Variants in ANKRD29 observed in about 807,000 individuals in gnomAD.
The protein encoded by ANKRD29 is ankyrin repeat domain 29, also known as ankyrin repeat domain-containing protein 29.
Under a neutral mutation model 38.0 loss-of-function variants are expected in ANKRD29, and 32 were observed. The observed-to-expected ratio is 0.84, with a 90% CI of 0.64 to 1.13. ANKRD29 has a LOEUF of 1.13. ANKRD29 is among the 50% of genes most tolerant of loss of function. The probability of loss-of-function intolerance (pLI) is 0.00; values close to 1 mark genes in which losing one functional copy is unlikely to be tolerated. For missense variants in ANKRD29, 357 were observed against 377.9 expected (o/e 0.94, Z 0.46); for synonymous variants, 135 against 152.4 (o/e 0.89, Z 0.84).
intron 8 of ANKRD29, among the ~76,000 whole-genome samples, chr18:23,616,036 A>C (rs2059710761): frequency 6.7e-6 from 1 of 149,800 alleles, no homozygotes; most frequent in African/African-American, 2.4e-5. Flanking sequence ...CACATACCGT[A>C]TGTATGTATG....
chr18:23,612,028 C>G, intron 9 of ANKRD29, 64 bp downstream of exon 9: 37 of 1,438,760 alleles, frequency 2.6e-5, no homozygotes, highest in Non-Finnish European at 3.6e-5. Context: ...AGATGTTTAT[C>G]CTTCCTGGCC....
chr18:23,623,149 A>G (rs1036548019), intron 6 of ANKRD29, among the ~76,000 whole-genome samples: 4 of 152,204 alleles, frequency 2.6e-5, no homozygotes, highest in African/African-American at 9.7e-5. Flanking sequence ...GAGAAACAAT[A>G]CGCCCCTTAA....
chr18:23,654,948 C>A (rs996687618), intron 1 of ANKRD29, among the ~76,000 whole-genome samples: 5 of 152,064 alleles, frequency 3.3e-5, no homozygotes, highest in Admixed American at 3.3e-4. Flanking sequence ...GGACTTCAAT[C>A]GTACACTTAT....
At chr18:23,602,396 G>T (rs1057503178) in intron 9 of ANKRD29, among the ~76,000 whole-genome samples, 1 of 152,096 alleles carries the variant, frequency 6.6e-6, no homozygotes, top group Non-Finnish European at 1.5e-5. Flanking sequence ...AGACACCCGG[G>T]AAAGAAGAGC....
rs56005663 is a variant in ANKRD29, at chr18:23,624,466, C to CAA, written c.529-4839_529-4838dup. On this transcript the variant is annotated intron_variant, in intron 6 of 9. Transcript: ENST00000592179. ...TGGGCGACAGAGTGAGACTCCATCT[C>CAA]AAAAAAAAAAAAAAAAAAAAAAAAA... Among the ~76,000 whole-genome samples, 70 of 32,454 alleles carry CAA rather than the reference C, an allele frequency of 2.2e-3. 3 individuals carry two copies. The highest frequency in any genetic ancestry group is 3.2e-3 in the South Asian group (2 of 616). 21.3% of individuals were successfully genotyped at this position (32,454 alleles called of 152,430 possible).
In ANKRD29 at chr18:23,632,533, G is replaced by GTA. The variant is rs61584775; in HGVS notation, c.429+1516_429+1517dup. ...CTATTCAGTGTGTGTGTGTGTGTGT[G>GTA]TATATATATATATATTACACACTCT... is the stretch of plus-strand genomic sequence containing the variant. On this transcript the variant is annotated intron_variant, in intron 5 of 9. Coordinates refer to ENST00000592179, the MANE Select transcript of ANKRD29 (RefSeq NM_173505.4). 2.1e-4 allele frequency among the ~76,000 whole-genome samples: 27 copies of GTA among 130,934 alleles called. 1 individual carries two copies. Among genetic ancestry groups the GTA allele is most frequent in the East Asian group, 8.7e-4 (4 of 4,572 alleles). The allele number at this position is 130,934 out of a possible 152,430, so 85.9% of individuals were successfully genotyped here. A position where few individuals can be genotyped will look rare whatever the true frequency, so the allele number is the denominator to read the frequency against.
chr18:23,605,117 C>T (rs1205041378), intron 9 of ANKRD29, among the ~76,000 whole-genome samples: 4 of 152,126 alleles, frequency 2.6e-5, no homozygotes, highest in East Asian at 3.9e-4. Flanking sequence ...GATGGGGTTT[C>T]GCCATGTTGG....
rs1413349661 is a variant in ANKRD29 at position 23,662,875 on chromosome 18, A to C, written c.-145T>G. 1.4e-6 allele frequency: 1 copy of C among 698,952 alleles called. No individual in the cohort carries two copies. Among genetic ancestry groups the C allele is most frequent in the Non-Finnish European group, 1.8e-6 (1 of 558,130 alleles). The allele number at this position is 698,952 out of a possible 1,614,324, so 43.3% of individuals were successfully genotyped here. ...CGCTCCCGCCGCCCGGCCCGGCAGCAGCCGCCGCACACAGGGCCGGGCCGA... is the reference window on the plus strand; with the variant it reads ...CGCTCCCGCCGCCCGGCCCGGCAGCCGCCGCCGCACACAGGGCCGGGCCGA... On this transcript the variant is annotated 5_prime_UTR_variant, in exon 1 of 10. Coordinates refer to ENST00000592179, the MANE Select transcript of ANKRD29 (RefSeq NM_173505.4).
chr18:23,623,188 A>G (rs549684411), intron 6 of ANKRD29, among the ~76,000 whole-genome samples: 1 of 152,276 alleles, frequency 6.6e-6, no homozygotes, highest in East Asian at 1.9e-4. Context: ...AAATACTTCC[A>G]TATGCTTTTT....
chr18:23,662,893 C>T lies in ANKRD29; in HGVS notation c.-163G>A, dbSNP rs953946071. ...CGGCAGCAGCCGCCGCACACAGGGC[C>T]GGGCCGAAGGGGCGGCGCGGGGGCG... On this transcript the variant is annotated 5_prime_UTR_variant, in exon 1 of 10. Coordinates refer to ENST00000592179, the MANE Select transcript of ANKRD29 (RefSeq NM_173505.4). 4.0e-6 allele frequency: 2 copies of T among 504,782 alleles called. No homozygotes were observed. Among genetic ancestry groups the T allele is most frequent in the Non-Finnish European group, 5.1e-6 (2 of 388,476 alleles). The allele number at this position is 504,782 out of a possible 1,614,324, so 31.3% of individuals were successfully genotyped here.
chr18:23,654,921 A>G (rs2060259472), intron 1 of ANKRD29, among the ~76,000 whole-genome samples: 1 of 152,236 alleles, frequency 6.6e-6, no homozygotes, highest in Admixed American at 6.5e-5. Flanking sequence ...TTAGTTTAAA[A>G]AAGTTTAGAG....
Position 23,599,870 on chromosome 18 carries a change from A to G in ANKRD29, c.*1356T>C, listed in dbSNP as rs979777574. 2 of 152,226 alleles carry G rather than the reference A, an allele frequency of 1.3e-5. No homozygotes were observed. Among genetic ancestry groups the G allele is most frequent in the African/African-American group, 4.8e-5 (2 of 41,464 alleles). 9.4% of individuals were successfully genotyped at this position (152,226 alleles called of 1,614,324 possible). The stretch of plus-strand genomic sequence containing the variant: ...AAGATTATATTCTATTATTTACTGA[A>G]TTAAAGATAATCCTTTTAGTAACTC... On this transcript the variant is annotated 3_prime_UTR_variant, in exon 10 of 10. Transcript: ENST00000592179.
rs768246128 is a variant in ANKRD29 at position 23,599,591 on chromosome 18, C to A, written c.*1635G>T. The A allele has an allele frequency of 2.0e-5, 3 of 152,104 alleles. No individual in the cohort carries two copies. The highest frequency in any genetic ancestry group is 4.4e-5 in the Non-Finnish European group (3 of 68,008). 9.4% of individuals were successfully genotyped at this position (152,104 alleles called of 1,614,324 possible). The stretch of plus-strand genomic sequence containing the variant: ...GAAAATGTATATTTGTACAAATTTG[C>A]TGAATAAAAGAATGTCAATGAGGAA... On this transcript the variant is annotated 3_prime_UTR_variant, in exon 10 of 10. Coordinates refer to ENST00000592179, the MANE Select transcript of ANKRD29 (RefSeq NM_173505.4).
chr18:23,604,740 A>T (rs1224470122), intron 9 of ANKRD29, among the ~76,000 whole-genome samples: 1 of 152,034 alleles, frequency 6.6e-6, no homozygotes, highest in Non-Finnish European at 1.5e-5. Flanking sequence ...CATGTTGGCC[A>T]GGATGGTCTC....
intron 7 of ANKRD29, 91 bp downstream of exon 7, chr18:23,619,440 C>G (rs2059766430): frequency 8.1e-7 from 1 of 1,242,114 alleles, no homozygotes; most frequent in Non-Finnish European, 1.1e-6. Context: ...GGAGGAAACC[C>G]ATGTGGGCTG....
chr18:23,609,794 T>C (rs1189923836), intron 9 of ANKRD29, among the ~76,000 whole-genome samples: 1 of 152,180 alleles, frequency 6.6e-6, no homozygotes, highest in African/African-American at 2.4e-5. Flanking sequence ...GTGCACAAGG[T>C]CTAAAGATAA....
chr18:23,662,613 G>GGGCAGCGGC, intron 1 of ANKRD29, 97 bp downstream of exon 1: 2 of 403,938 alleles, frequency 5.0e-6, no homozygotes, highest in African/African-American at 4.4e-5. Flanking sequence ...AGCGGGCAGC[G>GGGCAGCGGC]CCCACCCCAT....
In ANKRD29 at chr18:23,634,809, A is replaced by G. The variant is rs370459848; in HGVS notation, c.331-660T>C. Among the ~76,000 whole-genome samples, 15 of 152,340 alleles carry G rather than the reference A, an allele frequency of 9.8e-5. No homozygotes were observed. The East Asian group carries it at 2.5e-3, about 25-fold the overall frequency. On this transcript the variant is annotated intron_variant, in intron 4 of 9. Coordinates refer to ENST00000592179, the MANE Select transcript of ANKRD29 (RefSeq NM_173505.4). ...GAAACACAGAAGAGAAAGTCTTGTC[A>G]GTTCTTGGAATCATCAGAAAAGCCT...
chr18:23,610,597 C>T (rs966428294), intron 9 of ANKRD29, among the ~76,000 whole-genome samples: 1 of 150,826 alleles, frequency 6.6e-6, no homozygotes, highest in African/African-American at 2.4e-5. Context: ...GAGTTCAAGA[C>T]CAGCCTGGGC....
Sources: allele counts gnomAD v4.1 joint callset (sites outside exome capture counted in the v4.1 genomes callset), GRCh38; gene constraint gnomAD v4.1.1; transcripts MANE v1.5; gene names NCBI Gene and HGNC (gene_info 2026-07-23, HGNC 2026-07-21).